Variants in ACTN1 observed in about 807,000 individuals in gnomAD.
ACTN1 encodes the protein alpha-actinin-1.
A neutral mutation model predicts 119.6 loss-of-function variants in ACTN1; 30 were observed. The observed-to-expected ratio is 0.25, with a 90% CI of 0.19 to 0.34. The LOEUF (loss-of-function observed/expected upper bound fraction) is 0.34, where lower values mean the gene tolerates loss of function less well. ACTN1 is among the 10% of genes least tolerant of loss of function. The pLI is 1.00. For missense variants in ACTN1, 764 were observed against 1,223.4 expected (o/e 0.62, Z 5.60); for synonymous variants, 429 against 472.6 (o/e 0.91, Z 1.20).
rs764672189 is a variant in ACTN1 at position 68,884,864 on chromosome 14, A to G, written c.1405T>C (p.Ser469Pro). The G allele has an allele frequency of 6.2e-7, 1 of 1,613,828 alleles. No homozygotes were observed. Residue 469 changes from serine (S) to proline (P), a missense_variant, in exon 13 of 22, where the codon TCA (serine) becomes CCA (proline). Ser to Pro is a moderately conservative substitution (Grantham distance 74). Coordinates refer to ENST00000394419, the MANE Select transcript of ACTN1 (RefSeq NM_001130004.2). ...QELNELDYYD[S>P]PSVNARCQKI... ...TGGCAACGGGCGTTGACACTGGGTG[A>G]GTCATAATAGTCCAGCTCACTGGGG...
chr14:68,898,973 C>T (rs1479127133), intron 8 of ACTN1, among the ~76,000 whole-genome samples: 1 of 149,024 alleles, frequency 6.7e-6, no homozygotes, highest in Non-Finnish European at 1.5e-5. Flanking sequence ...ACACACACCA[C>T]ACACGCCACA....
chr14:68,892,355 T>C (rs2032562750), intron 9 of ACTN1, 72 bp from the exon 10 acceptor site: 2 of 1,486,954 alleles, frequency 1.3e-6, no homozygotes, highest in Non-Finnish European at 9.2e-7. Flanking sequence ...AGCCTCCCTT[T>C]CCTCCCAACA....
Position 68,878,390 on chromosome 14 carries a change from G to C in ACTN1, c.2427+68C>G. 1 of 1,510,948 alleles carries C rather than the reference G, an allele frequency of 6.6e-7. No individual in the cohort carries two copies. The highest frequency in any genetic ancestry group is 1.3e-5 in the South Asian group (1 of 74,318). 93.6% of individuals were successfully genotyped at this position (1,510,948 alleles called of 1,614,324 possible). A position where few individuals can be genotyped will look rare whatever the true frequency, so the allele number is the denominator to read the frequency against. ...GAGGGCCTCCAGCCTGCCACTCCTG[G>C]GACTTGGCTGCTCCCGCCAGCTGGC... On this transcript the variant is annotated intron_variant, in intron 20 of 21. Coordinates refer to ENST00000394419, the MANE Select transcript of ACTN1 (RefSeq NM_001130004.2). This position sits in a 1 kb window ranked among gnomAD's most constrained non-coding sequence, Gnocchi z 4.4.
At chr14:68,897,196 G>C (rs749940503) in intron 8 of ACTN1, among the ~76,000 whole-genome samples, 7 of 152,142 alleles carry the variant, frequency 4.6e-5, no homozygotes, top group Non-Finnish European at 7.4e-5. Flanking sequence ...TGTTGGCCAA[G>C]CTGGTCTCAA....
chr14:68,953,916 T>C (rs983556799), intron 1 of ACTN1, among the ~76,000 whole-genome samples: 3 of 151,596 alleles, frequency 2.0e-5, no homozygotes, highest in Non-Finnish European at 1.5e-5. Context: ...GGACAAGTGA[T>C]AGTAGAAAAA....
At chr14:68,876,831 C>T (rs1238978757) in intron 21 of ACTN1, among the ~76,000 whole-genome samples, 1 of 152,206 alleles carries the variant, frequency 6.6e-6, no homozygotes, top group East Asian at 1.9e-4. Flanking sequence ...CCCGTCATTT[C>T]ATCCCAGCTA....
At chr14:68,935,371 A>G (rs867619520) in intron 1 of ACTN1, among the ~76,000 whole-genome samples, 3 of 139,718 alleles carry the variant, frequency 2.1e-5, no homozygotes, top group Non-Finnish European at 4.6e-5. Flanking sequence ...TTCTCCTGTC[A>G]GAGAGCTCTC....
chr14:68,902,241 A>C (rs1163816151), intron 8 of ACTN1, among the ~76,000 whole-genome samples: 2 of 152,198 alleles, frequency 1.3e-5, no homozygotes, highest in African/African-American at 4.8e-5. Context: ...GGTCCCAGAA[A>C]GTGAGCTGCT....
In ACTN1 at chr14:68,878,669, T is replaced by C. The variant is rs150371548; in HGVS notation, c.2362-146A>G. The C allele has an allele frequency of 1.1e-4, 174 of 1,542,366 alleles. No individual in the cohort carries two copies. Among genetic ancestry groups the C allele is most frequent in the Non-Finnish European group, 1.4e-4 (161 of 1,147,270 alleles). ...GGGGGTCAGGATAGGTAAAGGAACA[T>C]AGGAGAAGATGCGAACACACATCGG... On this transcript the variant is annotated intron_variant, in intron 19 of 21. Transcript: ENST00000394419. The surrounding 1 kb of genome is among the most constrained non-coding windows in gnomAD (Gnocchi z 4.4).
chr14:68,926,363 TC>T (rs2034925589), intron 1 of ACTN1, among the ~76,000 whole-genome samples: 1 of 152,188 alleles, frequency 6.6e-6, no homozygotes, highest in Non-Finnish European at 1.5e-5. Flanking sequence ...CAGATTATGA[TC>T]AGGTGAGGCA....
Position 68,912,156 on chromosome 14 carries a change from C to T in ACTN1, c.427G>A (p.Glu143Lys). 6.2e-7 allele frequency: 1 copy of T among 1,614,056 alleles called. No homozygotes were observed. Among genetic ancestry groups the T allele is most frequent in the Non-Finnish European group, 8.5e-7 (1 of 1,179,950 alleles). ...GGGATGGAACAAAGCAGAAACCCACCTTCCACGGAGATGTCCTGGATGGCA... is the reference window on the plus strand; with the variant it reads ...GGGATGGAACAAAGCAGAAACCCACTTTCCACGGAGATGTCCTGGATGGCA... ...RFAIQDISVE[E>K]TSAKEGLLLW... Residue 143 changes from glutamate to lysine, a missense_variant and splice_region_variant, in exon 4 of 22, where the codon GAG becomes AAG. By Grantham distance (56) the Glu-to-Lys change is moderately conservative. Transcript: ENST00000394419.
rs200148368 is a variant in ACTN1, at chr14:68,879,943, C to G, written c.2280+19G>C. 228 of 1,612,656 alleles carry G rather than the reference C, an allele frequency of 1.4e-4. No homozygotes were observed. Among genetic ancestry groups the G allele is most frequent in the Non-Finnish European group, 1.2e-4 (141 of 1,178,990 alleles). On this transcript the variant is annotated intron_variant, in intron 18 of 21. Transcript: ENST00000394419. The surrounding 1 kb of genome is among the most constrained non-coding windows in gnomAD (Gnocchi z 4.9). ...GGGGTTGGGGGCTGCACTAAGAAAG[C>G]ACAGGATGGGGCTCTCACCCGGTCA...
chr14:68,959,186 T>C (rs796459704), intron 1 of ACTN1, among the ~76,000 whole-genome samples: 1 of 152,324 alleles, frequency 6.6e-6, no homozygotes, highest in African/African-American at 2.4e-5. Context: ...CTCCAAGAAG[T>C]GCTCAAGAGT....
intron 1 of ACTN1, among the ~76,000 whole-genome samples, chr14:68,943,512 G>A (rs539753137): frequency 1.3e-5 from 2 of 152,240 alleles, no homozygotes; most frequent in South Asian, 2.1e-4. Context: ...GCCCTGGGGT[G>A]CTTTCGGCTC....
chr14:68,924,639 G>A (rs1211662442), intron 2 of ACTN1, among the ~76,000 whole-genome samples: 1 of 152,252 alleles, frequency 6.6e-6, no homozygotes, highest in African/African-American at 2.4e-5. Context: ...TCTGGCTACA[G>A]TGACAGGGGT....
intron 21 of ACTN1, 110 bp downstream of exon 21, chr14:68,876,972 C>T (rs2030967569): frequency 1.5e-6 from 2 of 1,358,520 alleles, no homozygotes; most frequent in Non-Finnish European, 2.0e-6. Flanking sequence ...GCCAAAGGAC[C>T]CTGGAAGAAG....
chr14:68,887,086 A>C (rs2032081192), intron 11 of ACTN1: 1 of 174,154 alleles, frequency 5.7e-6, no homozygotes. Flanking sequence ...CATGTAGTGT[A>C]ATTCTTTTTT....
At chr14:68,958,760 C>T (rs2036434017) in intron 1 of ACTN1, among the ~76,000 whole-genome samples, 1 of 152,206 alleles carries the variant, frequency 6.6e-6, no homozygotes, top group African/African-American at 2.4e-5. Flanking sequence ...TAGCAGAGGA[C>T]ATGCCAGCAG....
Position 68,878,434 on chromosome 14 carries a change from G to A in ACTN1, c.2427+24C>T, listed in dbSNP as rs753258833. On this transcript the variant is annotated intron_variant, in intron 20 of 21. Transcript: ENST00000394419. The surrounding 1 kb of genome is among the most constrained non-coding windows in gnomAD (Gnocchi z 4.4). ...AGCTGGCTGCCTTCTCACCAGGGCA[G>A]ACAGAGGGTGGGGTTTACGTTACCA... The A allele has an allele frequency of 2.4e-5, 37 of 1,534,988 alleles. No homozygotes were observed. Among genetic ancestry groups the A allele is most frequent in the South Asian group, 3.8e-5 (3 of 78,654 alleles).
Sources: gnomAD v4.1 joint callset for allele counts (sites outside exome capture counted in the v4.1 genomes callset) on GRCh38, gnomAD v4.1.1 for gene constraint, Gnocchi (gnomAD v3.1) non-coding constraint, MANE v1.5 for transcripts, NCBI Gene and HGNC (gene_info 2026-07-23, HGNC 2026-07-21) for gene names.